GRID2: variants seen among roughly 807,000 people sequenced by gnomAD.
GRID2 encodes the protein glutamate receptor ionotropic, delta-2.
Under a neutral mutation model 114.8 loss-of-function variants are expected in GRID2, and 33 were observed. The ratio of observed to expected loss-of-function variants is 0.29; its 90% CI spans 0.22 to 0.38. GRID2 has a LOEUF of 0.38. Among genes scored for constraint, GRID2 ranks in the 10% least tolerant of loss-of-function variants. The pLI is 1.00. For missense variants in GRID2, 1,184 were observed against 1,257.7 expected, an observed-to-expected ratio of 0.94 and a Z score of 0.89; for synonymous variants, 505 against 449.9, an observed-to-expected ratio of 1.12 and a Z score of -1.55.
At chr4:92,953,683 T>G (rs1022364452) in intron 2 of GRID2, among the ~76,000 whole-genome samples, 7 of 152,088 alleles carry the variant, frequency 4.6e-5, no homozygotes, top group African/African-American at 1.2e-4. Flanking sequence ...GGAATCAATA[T>G]GATGATTCAT....
intron 11 of GRID2, among the ~76,000 whole-genome samples, chr4:93,485,296 T>A (rs1726275608): frequency 6.6e-6 from 1 of 151,880 alleles, no homozygotes; most frequent in Non-Finnish European, 1.5e-5. Context: ...TTGATGATTT[T>A]TTGTTAGGTA....
chr4:92,866,847 G>A lies in GRID2; in HGVS notation c.245-218148G>A, dbSNP rs564517527. Among the ~76,000 whole-genome samples, 6 of 152,100 alleles carry A rather than the reference G, an allele frequency of 3.9e-5. No homozygotes were observed. The South Asian group carries it at 8.3e-4, about 21-fold the overall frequency. On this transcript the variant is annotated intron_variant, in intron 2 of 15. Coordinates refer to ENST00000282020, the MANE Select transcript of GRID2 (RefSeq NM_001510.4). ...ATTGTAGGCGTGAGCCACCGCTCCC[G>A]GCCGATGTTATCCTCTTTTTGATAG...
intron 13 of GRID2, among the ~76,000 whole-genome samples, chr4:93,578,587 A>ATTTTTTTTTTTTTTTTTTTTTTTTTTTT: frequency 2.4e-5 from 2 of 83,930 alleles, no homozygotes; most frequent in African/African-American, 5.2e-5. Context: ...TGTTTTTTGT[A>ATTTTTTTTTTTTTTTTTTTTTTTTTTTT]TTTTTTTTTT....
At chr4:93,203,887 G>A (rs949628304) in intron 4 of GRID2, 3 of 152,140 alleles carry the variant, frequency 2.0e-5, no homozygotes, top group Non-Finnish European at 4.4e-5. Context: ...GAGGTTTTAT[G>A]AGTCAGGTTT....
At chr4:93,323,328 G>A (rs190611528) in intron 8 of GRID2, among the ~76,000 whole-genome samples, 1 of 151,874 alleles carries the variant, frequency 6.6e-6, no homozygotes, top group Non-Finnish European at 1.5e-5. Flanking sequence ...TTTTATTTTT[G>A]TCAGGTTTGT....
intron 2 of GRID2, among the ~76,000 whole-genome samples, chr4:92,960,969 T>C (rs1752757087): frequency 6.6e-6 from 1 of 151,916 alleles, no homozygotes; most frequent in African/African-American, 2.4e-5. Flanking sequence ...CAATATAAAT[T>C]TACAACTAAT....
At chr4:92,925,417 G>A (rs1432905826) in intron 2 of GRID2, among the ~76,000 whole-genome samples, 2 of 151,956 alleles carry the variant, frequency 1.3e-5, no homozygotes, top group Non-Finnish European at 2.9e-5. Context: ...AATTGAAAAA[G>A]AAAAGCCCTG....
chr4:93,604,584 C>T (rs1046701136), intron 13 of GRID2, among the ~76,000 whole-genome samples: 5 of 152,194 alleles, frequency 3.3e-5, no homozygotes, highest in African/African-American at 1.2e-4. Flanking sequence ...AAGTTCTACT[C>T]TGGGTAAAAT....
intron 2 of GRID2, among the ~76,000 whole-genome samples, chr4:93,044,234 T>A (rs1725906743): frequency 6.6e-6 from 1 of 152,150 alleles, no homozygotes; most frequent in South Asian, 2.1e-4. Context: ...TTATTTCTCA[T>A]TAGGCATTGC....
intron 5 of GRID2, among the ~76,000 whole-genome samples, chr4:93,212,148 C>T (rs543005763): frequency 1.3e-5 from 2 of 152,004 alleles, no homozygotes; most frequent in African/African-American, 4.8e-5. Flanking sequence ...ATGCAAATGC[C>T]CGTTTTGGCT....
chr4:93,165,463 C>G (rs751991740), intron 4 of GRID2, among the ~76,000 whole-genome samples: 26 of 152,178 alleles, frequency 1.7e-4, no homozygotes, highest in South Asian at 4.1e-4. Context: ...TCATTTACCT[C>G]CCTGACTTTC....
chr4:93,675,693 A>G (rs1240058676), intron 14 of GRID2, among the ~76,000 whole-genome samples: 3 of 152,214 alleles, frequency 2.0e-5, no homozygotes, highest in Non-Finnish European at 4.4e-5. Context: ...ATCTCTTAAG[A>G]GCAGTGAAAG....
At chr4:92,874,431 G>A (rs1005503059) in intron 2 of GRID2, among the ~76,000 whole-genome samples, 7 of 151,958 alleles carry the variant, frequency 4.6e-5, no homozygotes, top group African/African-American at 1.7e-4. Flanking sequence ...TAATATTATC[G>A]TCTATGCTTT....
intron 8 of GRID2, among the ~76,000 whole-genome samples, chr4:93,340,763 C>T (rs1560517462): frequency 6.6e-6 from 1 of 152,116 alleles, no homozygotes; most frequent in Non-Finnish European, 1.5e-5. Context: ...GGAGCAGTAA[C>T]ATTTATACCT....
chr4:93,278,238 A>T (rs890434243), intron 8 of GRID2, among the ~76,000 whole-genome samples: 14 of 149,050 alleles, frequency 9.4e-5, no homozygotes, highest in South Asian at 4.3e-4. Flanking sequence ...CCACAGGATA[A>T]TTTGGCTTTG....
intron 1 of GRID2, among the ~76,000 whole-genome samples, chr4:93,805,834 C>T (rs894067886): frequency 1.3e-5 from 2 of 152,132 alleles, no homozygotes; most frequent in African/African-American, 2.4e-5. Flanking sequence ...TGGTGGCTCA[C>T]GCCTGTTATC....
chr4:92,773,931 A>G (rs1738660371), intron 2 of GRID2, among the ~76,000 whole-genome samples: 1 of 152,158 alleles, frequency 6.6e-6, no homozygotes, highest in Admixed American at 6.6e-5. Context: ...AAGCCCTTCT[A>G]CATTCCATAT....
At chr4:93,009,901 C>T (rs969351130) in intron 2 of GRID2, among the ~76,000 whole-genome samples, 21 of 152,180 alleles carry the variant, frequency 1.4e-4, no homozygotes, top group African/African-American at 5.1e-4. Flanking sequence ...TAAGATAGAT[C>T]TTCTCAAGTG....
intron 1 of GRID2, among the ~76,000 whole-genome samples, chr4:92,319,308 A>G (rs1430970600): frequency 6.6e-6 from 1 of 152,194 alleles, no homozygotes. Context: ...TCCCAATTCA[A>G]AGTAAGATGT....
Sources: allele counts gnomAD v4.1 joint callset (sites outside exome capture counted in the v4.1 genomes callset), GRCh38; gene constraint gnomAD v4.1.1; transcripts MANE v1.5; gene names NCBI Gene and HGNC (gene_info 2026-07-23, HGNC 2026-07-21).